The following MAP7 variants were observed in gnomAD, a reference collection of about 807,000 sequenced individuals.
MAP7 encodes microtubule associated protein 7.
MAP7 carries 52 observed loss-of-function variants against 94.8 expected under a neutral mutation model. The ratio of observed to expected loss-of-function variants is 0.55; its 90% CI spans 0.44 to 0.69. The LOEUF is 0.69. Ranked by LOEUF, MAP7 falls within the 30% of genes least tolerant of loss-of-function variation. The pLI is 0.00. For synonymous variants in MAP7, 350 were observed against 357.0 expected, an observed-to-expected ratio of 0.98 and a Z score of 0.22; for missense variants, 940 against 964.6, an observed-to-expected ratio of 0.97 and a Z score of 0.34.
chr6:136,361,211 A>C (rs1792665056), intron 11 of MAP7, 32 bp from the exon 12 acceptor site: 3 of 1,598,880 alleles, frequency 1.9e-6, no homozygotes, highest in Non-Finnish European at 2.5e-6. Context: ...CCAAAACCAA[A>C]GACACCTGAG....
At position 136,457,272 on chromosome 6, in the gene MAP7, C is replaced by T. The variant is rs987379538; in HGVS notation, c.68-35473G>A. ...ATCATGAAGAAATAAAATATCTGAA[C>T]ACACCTTTAAATAGTAAAGAGATTG... On this transcript the variant is annotated intron_variant, in intron 1 of 17. Transcript: ENST00000354570. Among the ~76,000 whole-genome samples, 3 of 150,348 alleles carry T rather than the reference C, an allele frequency of 2.0e-5. No individual in the cohort carries two copies. In the South Asian group the frequency reaches 6.3e-4, roughly 31 times the overall value.
intron 1 of MAP7, among the ~76,000 whole-genome samples, chr6:136,453,417 C>G (rs1801785709): frequency 6.6e-6 from 1 of 152,238 alleles, no homozygotes; most frequent in East Asian, 1.9e-4. Flanking sequence ...GCTTAAGATT[C>G]TGTCCCAGTG....
intron 3 of MAP7, among the ~76,000 whole-genome samples, chr6:136,391,741 G>A (rs1471114380): frequency 6.7e-6 from 1 of 150,244 alleles, no homozygotes; most frequent in Non-Finnish European, 1.5e-5. Flanking sequence ...AAATACCACT[G>A]TGAGAACACA....
At chr6:136,362,985 A>C (rs1262113436) in intron 10 of MAP7, among the ~76,000 whole-genome samples, 1 of 152,236 alleles carries the variant, frequency 6.6e-6, no homozygotes, top group African/African-American at 2.4e-5. Context: ...GAATGTGTAC[A>C]AAGCCTCATG....
chr6:136,535,113 G>A (rs1462297984), intron 1 of MAP7, among the ~76,000 whole-genome samples: 1 of 152,132 alleles, frequency 6.6e-6, no homozygotes, highest in Non-Finnish European at 1.5e-5. Context: ...TTGGAGGTGG[G>A]GCCTGGTGGG....
rs568016080 is a variant in MAP7 at position 136,541,770 on chromosome 6, A to G, written c.67+8572T>C. 3.9e-5 allele frequency among the ~76,000 whole-genome samples: 6 copies of G among 152,332 alleles called. No individual in the cohort carries two copies. The East Asian group carries it at 1.2e-3, about 29-fold the overall frequency. On this transcript the variant is annotated intron_variant, in intron 1 of 17. Coordinates refer to ENST00000354570, the MANE Select transcript of MAP7 (RefSeq NM_003980.6). Reference sequence around the variant, plus strand: ...TATATTACTCTTCAAATCAAAATTCAAAGTGGAGCCGGGAGTGGTGGCTCC... The same window carrying G: ...TATATTACTCTTCAAATCAAAATTCGAAGTGGAGCCGGGAGTGGTGGCTCC...
intron 1 of MAP7, among the ~76,000 whole-genome samples, chr6:136,464,539 CAT>C (rs1806320563): frequency 6.6e-6 from 1 of 152,216 alleles, no homozygotes; most frequent in African/African-American, 2.4e-5. Flanking sequence ...TAGAAAAAGA[CAT>C]AGTACATACA....
intron 3 of MAP7, among the ~76,000 whole-genome samples, chr6:136,390,442 C>CA (rs566097713): frequency 2.6e-5 from 4 of 152,236 alleles, no homozygotes; most frequent in African/African-American, 9.6e-5. Flanking sequence ...CACTGGCAGT[C>CA]AGGAGTTTGA....
intron 1 of MAP7, among the ~76,000 whole-genome samples, chr6:136,423,069 T>C (rs1295060983): frequency 6.6e-6 from 1 of 152,200 alleles, no homozygotes; most frequent in East Asian, 1.9e-4. Context: ...AAGACACATG[T>C]TAAAAATCTA....
chr6:136,506,329 C>T lies in MAP7; in HGVS notation c.67+44013G>A, dbSNP rs925083948. ...GGATGGTATTAGGTTTCACTGAGAA[C>T]GAAGAGGTCACTAAATAGCTGGAAC... is the stretch of plus-strand genomic sequence containing the variant. On this transcript the variant is annotated intron_variant, in intron 1 of 17. Coordinates refer to ENST00000354570, the MANE Select transcript of MAP7 (RefSeq NM_003980.6). 4.6e-5 allele frequency among the ~76,000 whole-genome samples: 7 copies of T among 152,038 alleles called. 1 individual carries two copies. The Middle Eastern group carries it at 0.01, about 222-fold the overall frequency.
chr6:136,360,737 T>C lies in MAP7; in HGVS notation c.1763A>G (p.His588Arg). Reference protein sequence around the residue: ...AERVRQEREKHFQREEQERLE... With the variant: ...AERVRQEREKRFQREEQERLE... ...GCGCTCTTGCTCTTCTCTCTGGAAA[T>C]GCTTCTCTCGTTCCTGCCGGACCCT... The change falls in exon 13 of 18, where the codon CAT becomes CGT. Residue 588 changes from histidine (H) to arginine (R), a missense_variant. Physicochemically the swap from His to Arg is conservative, Grantham distance 29. Coordinates refer to ENST00000354570, the MANE Select transcript of MAP7 (RefSeq NM_003980.6). The C allele has an allele frequency of 6.2e-7, 1 of 1,614,172 alleles. No individual in the cohort carries two copies. Among genetic ancestry groups the C allele is most frequent in the Non-Finnish European group, 8.5e-7 (1 of 1,180,032 alleles).
chr6:136,421,548 T>C (rs1791364070), intron 2 of MAP7, among the ~76,000 whole-genome samples, 153 bp downstream of exon 2: 1 of 152,202 alleles, frequency 6.6e-6, no homozygotes, highest in Non-Finnish European at 1.5e-5. Flanking sequence ...AGTAGGAGTG[T>C]GTGTTTGGTG....
At chr6:136,409,778 T>C (rs189450243) in intron 3 of MAP7, among the ~76,000 whole-genome samples, 1 of 152,362 alleles carries the variant, frequency 6.6e-6, no homozygotes, top group East Asian at 1.9e-4. Flanking sequence ...TTCACTAGAC[T>C]ACACCTAGCC....
chr6:136,400,691 G>A (rs774125613), intron 3 of MAP7, among the ~76,000 whole-genome samples: 16 of 152,312 alleles, frequency 1.1e-4, no homozygotes, highest in Non-Finnish European at 2.2e-4. Flanking sequence ...ACCCAAAGAA[G>A]TGAAATGATG....
chr6:136,392,080 G>A (rs1780932266), intron 3 of MAP7, among the ~76,000 whole-genome samples: 1 of 152,024 alleles, frequency 6.6e-6, no homozygotes, highest in Non-Finnish European at 1.5e-5. Context: ...TTACTGCTCT[G>A]CATCTTGCTC....
rs141768328 is a variant in MAP7, at chr6:136,366,013, G to A, written c.995C>T (p.Pro332Leu). The change falls in exon 10 of 18, where the codon CCG becomes CTG. Residue 332 changes from proline to leucine, a missense_variant. Transcript: ENST00000354570. ...RQPARSRLWL[P>L]SKSLPHLPGT... is the part of the protein sequence containing the mutation. The stretch of plus-strand genomic sequence containing the variant: ...AGGCAAATGAGGAAGAGACTTGGAC[G>A]GAAGCCTGGGCCACAAACAAACAAG... 175 of 1,606,966 alleles carry A rather than the reference G, an allele frequency of 1.1e-4. 1 individual carries two copies. In the East Asian group the frequency reaches 1.6e-3, roughly 15 times the overall value.
chr6:136,443,449 CTTTTTT>C (rs149514831), intron 1 of MAP7, among the ~76,000 whole-genome samples: 1 of 99,938 alleles, frequency 1.0e-5, no homozygotes, highest in Admixed American at 1.1e-4. Context: ...TCCCCTTCTA[CTTTTTT>C]TTTTTTTTTT....
chr6:136,528,146 C>T lies in MAP7; in HGVS notation c.67+22196G>A, dbSNP rs144439481. Among the ~76,000 whole-genome samples, 1,175 of 152,252 alleles carry T rather than the reference C, an allele frequency of 7.7e-3. 21 individuals carry two copies. Among genetic ancestry groups the T allele is most frequent in the African/African-American group, 0.026 (1,095 of 41,538 alleles). On this transcript the variant is annotated intron_variant, in intron 1 of 17. Transcript: ENST00000354570. ...GCAAGTCTACAATTAAAATTTAGAC[C>T]ATCTTCCTCCTAGTCCAGTGCTTCT...
At chr6:136,480,208 A>G (rs1812288638) in intron 1 of MAP7, among the ~76,000 whole-genome samples, 1 of 152,210 alleles carries the variant, frequency 6.6e-6, no homozygotes, top group South Asian at 2.1e-4. Flanking sequence ...CAGTAAATGC[A>G]TTTTCAACAA....
Sources: gnomAD v4.1 joint callset for allele counts (sites outside exome capture counted in the v4.1 genomes callset) on GRCh38, gnomAD v4.1.1 for gene constraint, MANE v1.5 for transcripts, NCBI Gene and HGNC (gene_info 2026-07-23, HGNC 2026-07-21) for gene names.